C2orf69: variants seen among roughly 807,000 people sequenced by gnomAD.
The protein encoded by C2orf69 is mitochondrial protein C2orf69.
In C2orf69, 19 loss-of-function variants were observed where a neutral mutation model predicts 29.5. That is an observed-to-expected ratio of 0.65 (90% CI 0.45 to 0.95). C2orf69 has a LOEUF of 0.95. C2orf69 is among the 40% of genes least tolerant of loss of function. C2orf69 has a pLI of 0.00. For synonymous variants in C2orf69, 194 were observed against 180.0 expected, an observed-to-expected ratio of 1.08 and a Z score of -0.62; for missense variants, 416 against 482.1, an observed-to-expected ratio of 0.86 and a Z score of 1.28.
intron 1 of C2orf69, among the ~76,000 whole-genome samples, chr2:199,920,953 C>CAA (rs1284333280): frequency 3.7e-4 from 17 of 45,892 alleles, no homozygotes; most frequent in African/African-American, 8.3e-4. Flanking sequence ...CTGAGACTCT[C>CAA]AAAAAAAAAA....
At chr2:199,914,234 A>C (rs2077284983) in intron 1 of C2orf69, among the ~76,000 whole-genome samples, 1 of 152,112 alleles carries the variant, frequency 6.6e-6, no homozygotes. Context: ...CTCAACATTT[A>C]TGTATCTAGC....
intron 1 of C2orf69, among the ~76,000 whole-genome samples, chr2:199,923,801 T>C (rs2077326497): frequency 6.6e-6 from 1 of 152,222 alleles, no homozygotes; most frequent in South Asian, 2.1e-4. Flanking sequence ...AAATTTTAAA[T>C]GTGGCTCATG....
chr2:199,913,506 TATATTATACTATATATAAAA>T lies in C2orf69; in HGVS notation c.333+1736_333+1755del, dbSNP rs1239095913. ...AATATATATTATATTATATAAAATA[TATATTATACTATATATAAAA>T]TATACTATATAATATATATAAAATA... is the stretch of plus-strand genomic sequence containing the variant. On this transcript the variant is annotated intron_variant, in intron 1 of 1. Coordinates refer to ENST00000319974, the MANE Select transcript of C2orf69 (RefSeq NM_153689.6). 1.1e-3 allele frequency among the ~76,000 whole-genome samples: 28 copies of T among 26,064 alleles called. 3 individuals are homozygous for T. The East Asian group carries it at 0.017, about 16-fold the overall frequency. 17.1% of individuals were successfully genotyped at this position (26,064 alleles called of 152,430 possible).
chr2:199,918,385 G>A (rs959447838), intron 1 of C2orf69, among the ~76,000 whole-genome samples: 10 of 151,840 alleles, frequency 6.6e-5, no homozygotes, highest in Middle Eastern at 3.4e-3. Flanking sequence ...ATTTTCAGAC[G>A]GAGTCTTGCT....
At chr2:199,913,507 ATAT>A (rs1294609993) in intron 1 of C2orf69, among the ~76,000 whole-genome samples, 1 of 25,534 alleles carries the variant, frequency 3.9e-5, no homozygotes, top group Non-Finnish European at 6.6e-5. Flanking sequence ...TATAAAATAT[ATAT>A]TATACTATAT....
rs1417768653 is a variant in C2orf69, at chr2:199,925,426, A to T, written c.698A>T (p.Glu233Val). Residue 233 changes from glutamate (E) to valine (V), a missense_variant, in exon 2 of 2, where the codon GAA becomes GTA. Physicochemically the swap from Glu to Val is moderately radical, Grantham distance 121. Around this residue, in one of 4 missense-constraint regions of C2orf69, gnomAD observed 225 missense variants for 307.3 expected, o/e 0.73. Transcript: ENST00000319974. The surrounding 1 kb of genome is among the most constrained non-coding windows in gnomAD (Gnocchi z 4.9). ...CATACTACGAATGGTTGCCAGGGAG[A>T]AAAAGTGAGGACCTGTGAAAAATCT... ...PSHTTNGCQG[E>V]KVRTCEKSDE... 3 of 1,613,850 alleles carry T rather than the reference A, an allele frequency of 1.9e-6. No homozygotes were observed. Among genetic ancestry groups the T allele is most frequent in the Non-Finnish European group, 2.5e-6 (3 of 1,179,844 alleles).
chr2:199,914,670 C>G (rs957633065), intron 1 of C2orf69, among the ~76,000 whole-genome samples: 1 of 152,106 alleles, frequency 6.6e-6, no homozygotes, highest in Non-Finnish European at 1.5e-5. Context: ...GACTTGGTCT[C>G]CTTTTTCTGT....
chr2:199,914,218 A>G (rs1019458989), intron 1 of C2orf69, among the ~76,000 whole-genome samples: 1 of 152,072 alleles, frequency 6.6e-6, no homozygotes, highest in Non-Finnish European at 1.5e-5. Context: ...CTGTACACTG[A>G]CACCCCTCAA....
At chr2:199,913,337 TTATAA>T (rs1399668508) in intron 1 of C2orf69, among the ~76,000 whole-genome samples, 8 of 95,656 alleles carry the variant, frequency 8.4e-5, no homozygotes, top group Non-Finnish European at 1.1e-4. Flanking sequence ...ATATATTCTA[TTATAA>T]TATATATTAT....
chr2:199,925,443 G>C lies in C2orf69; in HGVS notation c.715G>C (p.Glu239Gln), dbSNP rs2077332013. ...CCAGGGAGAAAAAGTGAGGACCTGT[G>C]AAAAATCTGATGAGTCTGCCATGAG... ...GCQGEKVRTC[E>Q]KSDESAMSFY... The change falls in exon 2 of 2, where the codon GAA becomes CAA. Residue 239 changes from glutamate to glutamine, a missense_variant. Transcript: ENST00000319974. The surrounding 1 kb of genome is among the most constrained non-coding windows in gnomAD (Gnocchi z 4.9). 6.2e-7 allele frequency: 1 copy of C among 1,613,672 alleles called. No homozygotes were observed. Among genetic ancestry groups the C allele is most frequent in the Non-Finnish European group, 8.5e-7 (1 of 1,179,876 alleles).
At chr2:199,922,865 A>AT (rs1372544484) in intron 1 of C2orf69, among the ~76,000 whole-genome samples, 2 of 152,348 alleles carry the variant, frequency 1.3e-5, no homozygotes, top group East Asian at 3.9e-4. Flanking sequence ...TTCAAAGCAT[A>AT]TATCAGCCCT....
Position 199,928,224 on chromosome 2 carries a change from A to C in C2orf69, c.*2338A>C, listed in dbSNP as rs536724183. On this transcript the variant is annotated 3_prime_UTR_variant, in exon 2 of 2. Coordinates refer to ENST00000319974, the MANE Select transcript of C2orf69 (RefSeq NM_153689.6). ...TCCTACAAATAATGTGAAAGTTGTT[A>C]CCACCACAGCATGAATGTATAATTG... 6 of 152,732 alleles carry C rather than the reference A, an allele frequency of 3.9e-5. No homozygotes were observed. In the East Asian group the frequency reaches 1.2e-3, roughly 29 times the overall value. 9.5% of individuals were successfully genotyped at this position (152,732 alleles called of 1,614,324 possible).
At chr2:199,916,459 G>A (rs2077293246) in intron 1 of C2orf69, among the ~76,000 whole-genome samples, 1 of 152,094 alleles carries the variant, frequency 6.6e-6, no homozygotes, top group African/African-American at 2.4e-5. Context: ...GTTCCCCAAA[G>A]TCTTAACTCA....
chr2:199,925,020 A>G lies in C2orf69; in HGVS notation c.334-42A>G. 1 of 1,184,010 alleles carries G rather than the reference A, an allele frequency of 8.4e-7. No homozygotes were observed. Among genetic ancestry groups the G allele is most frequent in the Non-Finnish European group, 1.2e-6 (1 of 833,100 alleles). 73.3% of individuals were successfully genotyped at this position (1,184,010 alleles called of 1,614,324 possible). A position where few individuals can be genotyped will look rare whatever the true frequency, so the allele number is the denominator to read the frequency against. On this transcript the variant is annotated intron_variant, in intron 1 of 1. Transcript: ENST00000319974. The surrounding 1 kb of genome is among the most constrained non-coding windows in gnomAD (Gnocchi z 4.9). ...TTATTTTGTGGAAATCATTTTATGT[A>G]AATATGTATTTAATACTTATTTCAT...
intron 1 of C2orf69, among the ~76,000 whole-genome samples, chr2:199,913,215 A>G (rs1221306975): frequency 2.4e-4 from 19 of 78,088 alleles, no homozygotes; most frequent in Admixed American, 1.8e-3. Flanking sequence ...ATAATATATT[A>G]TATATAATAT....
At chr2:199,922,951 T>A (rs1357103490) in intron 1 of C2orf69, among the ~76,000 whole-genome samples, 1 of 152,176 alleles carries the variant, frequency 6.6e-6, no homozygotes, top group African/African-American at 2.4e-5. Context: ...CCTCTCCTTT[T>A]CCCCAAACCA....
chr2:199,911,819 G>A (rs1055809344), intron 1 of C2orf69, 48 bp downstream of exon 1: 1 of 1,535,130 alleles, frequency 6.5e-7, no homozygotes, highest in East Asian at 2.4e-5. Flanking sequence ...TCGTGTATAC[G>A]TACGCGGTCA....
At chr2:199,918,692 G>T (rs974744723) in intron 1 of C2orf69, among the ~76,000 whole-genome samples, 10 of 151,784 alleles carry the variant, frequency 6.6e-5, no homozygotes, top group African/African-American at 2.4e-4. Flanking sequence ...ACAATTTTGT[G>T]AATTTTGACA....
intron 1 of C2orf69, among the ~76,000 whole-genome samples, chr2:199,922,105 C>CT (rs1252873270): frequency 1.6e-5 from 2 of 128,096 alleles, no homozygotes; most frequent in East Asian, 2.4e-4. Flanking sequence ...TTCTTTTTCT[C>CT]TTTTTTTTGA....
Sources: allele counts gnomAD v4.1 joint callset (sites outside exome capture counted in the v4.1 genomes callset), GRCh38; gene constraint gnomAD v4.1.1; regional missense constraint gnomAD v4.1.1; non-coding constraint Gnocchi (gnomAD v3.1); transcripts MANE v1.5; gene names NCBI Gene and HGNC (gene_info 2026-07-23, HGNC 2026-07-21).